The following SLCO2A1 variants were observed in gnomAD, a reference collection of about 807,000 sequenced individuals.
The protein encoded by SLCO2A1 is matrin F/G 1.
SLCO2A1 carries 60 observed loss-of-function variants against 71.7 expected under a neutral mutation model. The ratio of observed to expected loss-of-function variants is 0.84; its 90% CI spans 0.68 to 1.04. The LOEUF is 1.04. SLCO2A1 is among the 50% of genes least tolerant of loss of function. The pLI, the probability that SLCO2A1 is intolerant of heterozygous loss-of-function variation, is 0.00. For missense variants in SLCO2A1, 745 were observed against 813.4 expected, an observed-to-expected ratio of 0.92 and a Z score of 1.02; for synonymous variants, 308 against 326.7, an observed-to-expected ratio of 0.94 and a Z score of 0.62.
rs147155028 is a variant in SLCO2A1, at chr3:134,028,929, T to A, written c.96+778A>T. ...AGCATTTCCGACCCCATGGGAAAGG[T>A]GCTCTCATCCTAACAGCTGCCAACA... On this transcript the variant is annotated intron_variant, in intron 1 of 13. Coordinates refer to ENST00000310926, the MANE Select transcript of SLCO2A1 (RefSeq NM_005630.3). Among the ~76,000 whole-genome samples, 627 of 152,254 alleles carry A rather than the reference T, an allele frequency of 4.1e-3. 1 individual carries two copies. The highest frequency in any genetic ancestry group is 6.4e-3 in the Non-Finnish European group (432 of 67,998).
intron 5 of SLCO2A1, among the ~76,000 whole-genome samples, chr3:133,951,760 T>C (rs1206014155): frequency 6.6e-6 from 1 of 152,202 alleles, no homozygotes; most frequent in Non-Finnish European, 1.5e-5. Flanking sequence ...AAACTGAGGA[T>C]AGAAGGGGTT....
At chr3:134,018,787 G>A (rs571881998) in intron 1 of SLCO2A1, among the ~76,000 whole-genome samples, 10 of 127,764 alleles carry the variant, frequency 7.8e-5, no homozygotes, top group Non-Finnish European at 4.7e-5. Context: ...ATTACTAAAT[G>A]AACCTGTTTA....
chr3:133,987,869 C>T (rs993032118), intron 1 of SLCO2A1, among the ~76,000 whole-genome samples: 2 of 152,230 alleles, frequency 1.3e-5, no homozygotes, highest in African/African-American at 4.8e-5. Context: ...ATAACTGATT[C>T]TATCCCTAAA....
intron 1 of SLCO2A1, among the ~76,000 whole-genome samples, chr3:133,981,986 A>C (rs56259115): frequency 7.0e-6 from 1 of 141,858 alleles, no homozygotes; most frequent in Non-Finnish European, 1.6e-5. Context: ...AAAAAAAAAA[A>C]AAAAAAAACA....
chr3:134,012,262 T>C (rs1935360659), intron 1 of SLCO2A1, among the ~76,000 whole-genome samples: 1 of 152,084 alleles, frequency 6.6e-6, no homozygotes, highest in African/African-American at 2.4e-5. Flanking sequence ...GGGGAGACAG[T>C]ATTGTACTAG....
At chr3:133,974,657 G>C (rs1934407313) in intron 2 of SLCO2A1, among the ~76,000 whole-genome samples, 1 of 152,216 alleles carries the variant, frequency 6.6e-6, no homozygotes, top group Non-Finnish European at 1.5e-5. Flanking sequence ...TGCTCTCTGA[G>C]CCCCACCCAG....
intron 1 of SLCO2A1, among the ~76,000 whole-genome samples, chr3:134,012,404 T>C (rs2108075252): frequency 1.3e-5 from 2 of 152,254 alleles, no homozygotes; most frequent in Middle Eastern, 6.8e-3. Context: ...CCTGGGGTGC[T>C]ACAATGTTCT....
chr3:133,967,164 C>T (rs1478048943), intron 3 of SLCO2A1, among the ~76,000 whole-genome samples: 2 of 152,222 alleles, frequency 1.3e-5, no homozygotes, highest in African/African-American at 4.8e-5. Flanking sequence ...GCAGACCTGT[C>T]ACTCAGCTTC....
intron 1 of SLCO2A1, among the ~76,000 whole-genome samples, chr3:133,993,384 G>A (rs1934896459): frequency 6.6e-6 from 1 of 152,234 alleles, no homozygotes; most frequent in Non-Finnish European, 1.5e-5. Context: ...TAGCTGGAGT[G>A]GTGAGGTCTG....
At chr3:134,020,494 G>A (rs1387269251) in intron 1 of SLCO2A1, among the ~76,000 whole-genome samples, 1 of 152,256 alleles carries the variant, frequency 6.6e-6, no homozygotes, top group Non-Finnish European at 1.5e-5. Flanking sequence ...ATTTGCCCCA[G>A]TGGGACGCCT....
intron 1 of SLCO2A1, among the ~76,000 whole-genome samples, chr3:133,980,456 C>T (rs1934562322): frequency 6.6e-6 from 1 of 152,246 alleles, no homozygotes; most frequent in Non-Finnish European, 1.5e-5. Context: ...CTAGTTGGCT[C>T]CAGGCTGAGC....
intron 3 of SLCO2A1, among the ~76,000 whole-genome samples, chr3:133,959,059 A>T (rs1933968141): frequency 6.6e-6 from 1 of 152,224 alleles, no homozygotes; most frequent in African/African-American, 2.4e-5. Flanking sequence ...CCACTGAAGG[A>T]CCATGCCTAG....
chr3:133,984,356 C>G (rs1002752645), intron 1 of SLCO2A1, among the ~76,000 whole-genome samples: 1 of 152,194 alleles, frequency 6.6e-6, no homozygotes, highest in Non-Finnish European at 1.5e-5. Context: ...CCTGCAAGCC[C>G]TGTCAGGTCT....
intron 1 of SLCO2A1, among the ~76,000 whole-genome samples, chr3:133,991,617 T>C (rs1464430361): frequency 6.6e-6 from 1 of 152,158 alleles, no homozygotes. Flanking sequence ...ACTGGAGATA[T>C]AAAAATCAGA....
At chr3:133,971,010 C>T (rs945609421) in intron 3 of SLCO2A1, among the ~76,000 whole-genome samples, 3 of 152,282 alleles carry the variant, frequency 2.0e-5, no homozygotes, top group Admixed American at 1.3e-4. Flanking sequence ...GTTGTCTTAA[C>T]CAGTCTCCTG....
chr3:134,021,164 C>G (rs1258593324), intron 1 of SLCO2A1, among the ~76,000 whole-genome samples: 1 of 152,106 alleles, frequency 6.6e-6, no homozygotes, highest in Non-Finnish European at 1.5e-5. Flanking sequence ...GTGTGCGTGC[C>G]CTTTTTACCT....
intron 4 of SLCO2A1, 106 bp downstream of exon 4, chr3:133,954,860 T>C (rs1242532843): frequency 3.5e-6 from 3 of 858,700 alleles, no homozygotes; most frequent in South Asian, 1.7e-5. Context: ...ATTTGCTGGG[T>C]TGTAAGCAAA....
At chr3:134,010,756 A>G (rs1272020597) in intron 1 of SLCO2A1, among the ~76,000 whole-genome samples, 1 of 149,952 alleles carries the variant, frequency 6.7e-6, no homozygotes, top group Non-Finnish European at 1.5e-5. Context: ...CTGTCCAAAA[A>G]AAAAAAAAAA....
At chr3:133,939,804 C>T (rs72978398) in intron 11 of SLCO2A1, among the ~76,000 whole-genome samples, 4,220 of 152,230 alleles carry the variant, frequency 0.028, 190 homozygotes, top group African/African-American at 0.097. Context: ...TGGGCCCCTT[C>T]TAGTCTCTGT....
Sources: gnomAD v4.1 joint callset for allele counts (sites outside exome capture counted in the v4.1 genomes callset) on GRCh38, gnomAD v4.1.1 for gene constraint, MANE v1.5 for transcripts, NCBI Gene and HGNC (gene_info 2026-07-23, HGNC 2026-07-21) for gene names.